COL5A1: variants seen among roughly 807,000 people sequenced by gnomAD.
COL5A1 encodes the protein collagen alpha-1(V) chain.
COL5A1 carries 16 observed loss-of-function variants against 263.7 expected under a neutral mutation model. That is an observed-to-expected ratio of 0.06 (90% CI 0.04 to 0.09). The LOEUF (loss-of-function observed/expected upper bound fraction) is 0.09. Ranked by LOEUF, COL5A1 falls within the 10% of genes least tolerant of loss-of-function variation. The pLI is 1.00. For missense variants in COL5A1, 2,036 were observed against 2,540.5 expected (o/e 0.80, Z 4.27); for synonymous variants, 1,012 against 1,004.5 (o/e 1.01, Z -0.14).
Position 134,754,576 on chromosome 9 carries a change from C to G in COL5A1, c.1827+250C>G, listed in dbSNP as rs1236150506. Among the ~76,000 whole-genome samples the G allele has an allele frequency of 1.3e-5, 2 of 152,046 alleles. No individual in the cohort carries two copies. Among genetic ancestry groups the G allele is most frequent in the Non-Finnish European group, 1.5e-5 (1 of 68,034 alleles). Reference sequence around the variant, plus strand: ...GGCACATTCATTTAGTTTAATAAACCTTTCTAATTCAAGAAACTTCCCAGG... The same window carrying G: ...GGCACATTCATTTAGTTTAATAAACGTTTCTAATTCAAGAAACTTCCCAGG... On this transcript the variant is annotated intron_variant, in intron 16 of 65. Coordinates refer to ENST00000371817, the MANE Select transcript of COL5A1 (RefSeq NM_000093.5). This position sits in a 1 kb window ranked among gnomAD's most constrained non-coding sequence, Gnocchi z 4.3.
chr9:134,816,477 G>GATCC (rs1469529812), intron 52 of COL5A1, among the ~76,000 whole-genome samples: 2 of 152,260 alleles, frequency 1.3e-5, no homozygotes, highest in Non-Finnish European at 2.9e-5. Flanking sequence ...ACTGGGCCTG[G>GATCC]AGGAGGCCCC....
Position 134,812,211 on chromosome 9 carries a change from G to T in COL5A1, c.3691-238G>T, listed in dbSNP as rs572201975. Among the ~76,000 whole-genome samples the T allele has an allele frequency of 1.9e-3, 291 of 152,282 alleles. 2 individuals are homozygous for T. Among genetic ancestry groups the T allele is most frequent in the African/African-American group, 6.7e-3 (279 of 41,542 alleles). Reference sequence around the variant, plus strand: ...CTCCTTAGGCTTTATTGTTTTATGGGTTCCTGCCATAATCACCTTTGTCGT... The same window carrying T: ...CTCCTTAGGCTTTATTGTTTTATGGTTTCCTGCCATAATCACCTTTGTCGT... On this transcript the variant is annotated intron_variant, in intron 46 of 65. Coordinates refer to ENST00000371817, the MANE Select transcript of COL5A1 (RefSeq NM_000093.5).
chr9:134,662,332 G>A (rs924011308), intron 1 of COL5A1, among the ~76,000 whole-genome samples: 1 of 152,340 alleles, frequency 6.6e-6, no homozygotes, highest in African/African-American at 2.4e-5. Context: ...CAAGCTGAGG[G>A]CTTCGCACAT....
intron 11 of COL5A1, 138 bp downstream of exon 11, chr9:134,738,946 G>C: frequency 1.3e-6 from 1 of 740,988 alleles, no homozygotes; most frequent in Non-Finnish European, 2.4e-6. Flanking sequence ...CCTCACCCAG[G>C]CACTCCTCAC....
intron 37 of COL5A1, 83 bp from the exon 38 acceptor site, chr9:134,801,871 G>A (rs564121794): frequency 1.8e-6 from 2 of 1,111,608 alleles, no homozygotes; most frequent in Non-Finnish European, 2.6e-6. Flanking sequence ...GAGGTGGGGG[G>A]CAAGCGTCCT....
At position 134,719,808 on chromosome 9, in the gene COL5A1, A is replaced by G. The variant is rs561485711; in HGVS notation, c.655-7458A>G. 6.6e-5 allele frequency among the ~76,000 whole-genome samples: 10 copies of G among 152,302 alleles called. No individual in the cohort carries two copies. The South Asian group carries it at 2.1e-3, about 32-fold the overall frequency. ...GAAGGGTGGAGAAGGGGCGTGTCTG[A>G]AGAAGGTCGGAGGTGACACCTATTG... On this transcript the variant is annotated intron_variant, in intron 4 of 65. Coordinates refer to ENST00000371817, the MANE Select transcript of COL5A1 (RefSeq NM_000093.5).
intron 53 of COL5A1, among the ~76,000 whole-genome samples, chr9:134,817,494 C>G (rs570009590): frequency 6.6e-6 from 1 of 152,188 alleles, no homozygotes; most frequent in Non-Finnish European, 1.5e-5. Context: ...ACACAACTCG[C>G]GGCGTGCACT....
chr9:134,817,023 C>T lies in COL5A1; in HGVS notation c.4123-3C>T. 1.2e-6 allele frequency: 2 copies of T among 1,613,858 alleles called. No homozygotes were observed. Among genetic ancestry groups the T allele is most frequent in the Non-Finnish European group, 1.7e-6 (2 of 1,179,742 alleles). On this transcript the variant is annotated splice_region_variant and splice_polypyrimidine_tract_variant and intron_variant, in intron 52 of 65. Transcript: ENST00000371817. ...CACACTCTGTTCTTTCTCCCAATACCAGGGATCCCCCGGCCCTACTGGTGA... is the reference window on the plus strand; with the variant it reads ...CACACTCTGTTCTTTCTCCCAATACTAGGGATCCCCCGGCCCTACTGGTGA...
At chr9:134,825,419 C>T (rs1012882768) in intron 62 of COL5A1, among the ~76,000 whole-genome samples, 1 of 152,192 alleles carries the variant, frequency 6.6e-6, no homozygotes, top group Non-Finnish European at 1.5e-5. Context: ...CTGCAAGATT[C>T]GAGGGATGTT....
chr9:134,786,109 C>T, intron 31 of COL5A1, 61 bp downstream of exon 31: 1 of 1,445,162 alleles, frequency 6.9e-7, no homozygotes. Flanking sequence ...CCCGGTCTCC[C>T]CACCCTGCAT....
At chr9:134,676,413 C>A (rs1832685253) in intron 1 of COL5A1, among the ~76,000 whole-genome samples, 1 of 152,174 alleles carries the variant, frequency 6.6e-6, no homozygotes, top group Non-Finnish European at 1.5e-5. Context: ...TTGGCAAATG[C>A]AGCTTTGTTG....
intron 37 of COL5A1, among the ~76,000 whole-genome samples, chr9:134,801,437 A>G (rs973555120): frequency 1.3e-5 from 2 of 152,224 alleles, no homozygotes; most frequent in Non-Finnish European, 2.9e-5. Flanking sequence ...GCGTCGGCCT[A>G]AAGATGCAGA....
intron 4 of COL5A1, among the ~76,000 whole-genome samples, chr9:134,701,855 A>C (rs2132574714): frequency 6.6e-6 from 1 of 152,282 alleles, no homozygotes; most frequent in African/African-American, 2.4e-5. Flanking sequence ...AATGCCTCAG[A>C]GGCTTGGGAG....
intron 2 of COL5A1, among the ~76,000 whole-genome samples, chr9:134,698,277 G>C (rs1833553983): frequency 6.6e-6 from 1 of 152,248 alleles, no homozygotes; most frequent in Non-Finnish European, 1.5e-5. Flanking sequence ...CCAGTCTCCT[G>C]TGGGAACAGC....
chr9:134,792,858 TGTGTGTGCGCGCGTTTGTGCACAC>T (rs1408444281), intron 32 of COL5A1, among the ~76,000 whole-genome samples: 7,173 of 46,148 alleles, frequency 0.16, 242 homozygotes, highest in African/African-American at 0.23. Flanking sequence ...TGCGCACACG[TGTGTGTGCGCGCGTTTGTGCACAC>T]GTGTGTGTGC....
intron 63 of COL5A1, among the ~76,000 whole-genome samples, chr9:134,826,507 A>G (rs1233763085): frequency 6.6e-6 from 1 of 151,818 alleles, no homozygotes; most frequent in Non-Finnish European, 1.5e-5. Flanking sequence ...GTGCATGTGG[A>G]TGGTGTGTGG....
chr9:134,770,789 A>G (rs1836841521), intron 25 of COL5A1, among the ~76,000 whole-genome samples: 1 of 152,246 alleles, frequency 6.6e-6, no homozygotes, highest in African/African-American at 2.4e-5. Flanking sequence ...GGAAACACAC[A>G]CAAGTAGAAA....
chr9:134,802,091 C>A, intron 38 of COL5A1, 84 bp downstream of exon 38: 1 of 1,361,778 alleles, frequency 7.3e-7, no homozygotes, highest in South Asian at 1.2e-5. Flanking sequence ...GGCATCTGTT[C>A]CCTCCACGAT....
chr9:134,752,686 G>GA (rs1835827986), intron 14 of COL5A1, 41 bp downstream of exon 14: 2 of 1,493,772 alleles, frequency 1.3e-6, no homozygotes, highest in African/African-American at 2.8e-5. Context: ...GTGGTGTGGG[G>GA]ATTGGCCCAC....
Sources: allele counts gnomAD v4.1 joint callset (sites outside exome capture counted in the v4.1 genomes callset), GRCh38; gene constraint gnomAD v4.1.1; non-coding constraint Gnocchi (gnomAD v3.1); transcripts MANE v1.5; gene names NCBI Gene and HGNC (gene_info 2026-07-23, HGNC 2026-07-21).